The following SLC43A2 variants were observed in gnomAD, a reference collection of about 807,000 sequenced individuals.
SLC43A2 encodes the protein large neutral amino acids transporter small subunit 4.
In SLC43A2, 38 loss-of-function variants were observed where a neutral mutation model predicts 63.2. That is an observed-to-expected ratio of 0.60 (90% CI 0.46 to 0.79). The LOEUF (loss-of-function observed/expected upper bound fraction) is 0.79. Ranked by LOEUF, SLC43A2 falls within the 30% of genes least tolerant of loss-of-function variation. The pLI is 0.00. For synonymous variants in SLC43A2, 322 were observed against 331.0 expected, an observed-to-expected ratio of 0.97 and a Z score of 0.30; for missense variants, 644 against 756.2, an observed-to-expected ratio of 0.85 and a Z score of 1.74.
At position 1,593,354 on chromosome 17, in the gene SLC43A2, TAGGCCCCATG is replaced by T. The variant is rs1431607798; in HGVS notation, c.502-85_502-76del. On this transcript the variant is annotated intron_variant, in intron 5 of 13. Coordinates refer to ENST00000301335, the MANE Select transcript of SLC43A2 (RefSeq NM_152346.3). The surrounding 1 kb of genome is among the most constrained non-coding windows in gnomAD (Gnocchi z 5.3). ...AGGGGAGGAGGAGGGGACAGAGAAC[TAGGCCCCATG>T]AGGCCCCTTCTTCACCTGCGCCCCT... The T allele has an allele frequency of 3.7e-6, 5 of 1,368,390 alleles. No homozygotes were observed. Among genetic ancestry groups the T allele is most frequent in the Admixed American group, 1.9e-5 (1 of 53,110 alleles). 84.8% of individuals were successfully genotyped at this position (1,368,390 alleles called of 1,614,324 possible).
intron 12 of SLC43A2, 34 bp from the exon 13 acceptor site, chr17:1,576,754 C>T (rs763705577): frequency 1.2e-6 from 2 of 1,600,770 alleles, no homozygotes; most frequent in Non-Finnish European, 1.7e-6. Context: ...AGCCATCCTG[C>T]CTCCTGGGCT....
chr17:1,596,860 T>G (rs367611445), intron 5 of SLC43A2, among the ~76,000 whole-genome samples: 155 of 152,290 alleles, frequency 1.0e-3, no homozygotes, highest in African/African-American at 3.4e-3. Context: ...ACATCATTAA[T>G]CATAGTGAAA....
At position 1,627,917 on chromosome 17, in the gene SLC43A2, C is replaced by A; in HGVS notation, c.-43G>T. ...CTCCGGCTCCGGCTCCGGCTCTGCA[C>A]CACCTGCGCACAGAACTCGGCGTCA... On this transcript the variant is annotated 5_prime_UTR_variant, in exon 2 of 14. Coordinates refer to ENST00000301335, the MANE Select transcript of SLC43A2 (RefSeq NM_152346.3). The A allele has an allele frequency of 6.6e-7, 1 of 1,503,792 alleles. No individual in the cohort carries two copies. 93.2% of individuals were successfully genotyped at this position (1,503,792 alleles called of 1,614,324 possible).
At chr17:1,594,183 C>T (rs936631528) in intron 5 of SLC43A2, among the ~76,000 whole-genome samples, 7 of 152,168 alleles carry the variant, frequency 4.6e-5, no homozygotes, top group African/African-American at 1.7e-4. Flanking sequence ...GATGTTCGGC[C>T]CGAGCAGTTA....
rs896825818 is a variant in SLC43A2, at chr17:1,606,748, G to T, written c.501+6447C>A. On this transcript the variant is annotated intron_variant, in intron 5 of 13. Transcript: ENST00000301335. The surrounding 1 kb of genome is among the most constrained non-coding windows in gnomAD (Gnocchi z 4.7). ...CCGGGGGAGGCTGAGGATCCACACC[G>T]TGGGGAGTGCTCTGCCCCCATGGAG... Among the ~76,000 whole-genome samples the T allele has an allele frequency of 5.8e-4, 88 of 152,352 alleles. No homozygotes were observed. The highest frequency in any genetic ancestry group is 3.4e-3 in the Middle Eastern group (1 of 294).
At chr17:1,622,850 T>G (rs1232424244) in intron 2 of SLC43A2, among the ~76,000 whole-genome samples, 10 of 134,308 alleles carry the variant, frequency 7.4e-5, no homozygotes, top group African/African-American at 1.7e-4. Context: ...GGAGATGGAG[T>G]TTGCGGTGAG....
At chr17:1,613,294 T>C in intron 4 of SLC43A2, 23 bp from the exon 5 acceptor site, 1 of 1,612,850 alleles carries the variant, frequency 6.2e-7, no homozygotes, top group East Asian at 2.2e-5. Flanking sequence ...GGAAAGCTCG[T>C]GAGTGGAGAC....
intron 9 of SLC43A2, 53 bp from the exon 10 acceptor site, chr17:1,586,104 A>C: frequency 1.3e-6 from 2 of 1,523,524 alleles, no homozygotes; most frequent in South Asian, 2.5e-5. Flanking sequence ...GCCCTGGAGC[A>C]GGGACTGGGC....
chr17:1,584,338 C>A (rs1018409967), intron 10 of SLC43A2, among the ~76,000 whole-genome samples: 1 of 152,140 alleles, frequency 6.6e-6, no homozygotes, highest in African/African-American at 2.4e-5. Context: ...CCTAACTGTG[C>A]GGCCCTAGGC....
At chr17:1,619,621 T>G (rs9899989) in intron 2 of SLC43A2, among the ~76,000 whole-genome samples, 26,071 of 152,226 alleles carry the variant, frequency 0.17, 2,341 homozygotes, top group South Asian at 0.22. Context: ...CCTGGGCCAC[T>G]CGCCCATCCA....
At chr17:1,623,642 G>C (rs1908364832) in intron 2 of SLC43A2, among the ~76,000 whole-genome samples, 1 of 147,998 alleles carries the variant, frequency 6.8e-6, no homozygotes, top group South Asian at 2.2e-4. Flanking sequence ...CCTCCAGGCT[G>C]TACCCTCCTC....
At chr17:1,588,103 A>G (rs1219241957) in intron 9 of SLC43A2, among the ~76,000 whole-genome samples, 1 of 152,226 alleles carries the variant, frequency 6.6e-6, no homozygotes, top group Non-Finnish European at 1.5e-5. Flanking sequence ...TCCCCATCTC[A>G]AGACTGGCTT....
rs1328489662 is a variant in SLC43A2 at position 1,583,512 on chromosome 17, C to T, written c.1218-176G>A. ...ACCAGCACTACGGACACTCCCCGGC[C>T]CTTCTCAGTGGCAAGCTGAGTGTGA... On this transcript the variant is annotated intron_variant, in intron 10 of 13. Transcript: ENST00000301335. This position sits in a 1 kb window ranked among gnomAD's most constrained non-coding sequence, Gnocchi z 5.5. 9.0e-7 allele frequency: 1 copy of T among 1,113,210 alleles called. No individual in the cohort carries two copies. The highest frequency in any genetic ancestry group is 1.6e-5 in the African/African-American group (1 of 63,580). The allele number at this position is 1,113,210 out of a possible 1,614,324, so 69.0% of individuals were successfully genotyped here. A position where few individuals can be genotyped will look rare whatever the true frequency, so the allele number is the denominator to read the frequency against.
At chr17:1,590,713 C>G in intron 9 of SLC43A2, 89 bp downstream of exon 9, 1 of 1,499,602 alleles carries the variant, frequency 6.7e-7, no homozygotes. Flanking sequence ...CCGGCTGGCC[C>G]GGCTCAGCTT....
In SLC43A2 at chr17:1,575,620, T is replaced by C. The variant is rs1371110796; in HGVS notation, c.1694A>G (p.Gln565Arg). The stretch of plus-strand genomic sequence containing the variant: ...CGGCAGCCACTACACGAAGGCCTCC[T>C]GGTTGGACGAGCCGTTGATTTTGAG... ...LFLKINGSSN[Q>R]EAFV The change falls in exon 14 of 14, where the codon CAG becomes CGG. Residue 565 changes from glutamine to arginine, a missense_variant. Transcript: ENST00000301335. 2 of 1,613,902 alleles carry C rather than the reference T, an allele frequency of 1.2e-6. No homozygotes were observed. The highest frequency in any genetic ancestry group is 3.3e-5 in the Admixed American group (2 of 59,994).
intron 6 of SLC43A2, among the ~76,000 whole-genome samples, chr17:1,592,103 C>A (rs1353848418): frequency 6.6e-6 from 1 of 151,104 alleles, no homozygotes; most frequent in Non-Finnish European, 1.5e-5. Flanking sequence ...TTCCCCAGTG[C>A]CTCTGAGAGC....
chr17:1,582,982 G>T (rs1567612503), intron 11 of SLC43A2, among the ~76,000 whole-genome samples: 2 of 152,188 alleles, frequency 1.3e-5, no homozygotes, highest in African/African-American at 4.8e-5. Flanking sequence ...GGGAGGCTGA[G>T]GCAGGAGAAT....
rs1459745127 is a variant in SLC43A2, at chr17:1,628,776, C to CT, written c.-47+17dup. ...GCGCCCTCGCCCCGGCCGCGATCCC[C>CT]TCCCTGCTGCAGCTCACCCGGCTCC... On this transcript the variant is annotated intron_variant, in intron 1 of 13. Coordinates refer to ENST00000301335, the MANE Select transcript of SLC43A2 (RefSeq NM_152346.3). 6.5e-6 allele frequency: 1 copy of CT among 152,676 alleles called. No homozygotes were observed. The highest frequency in any genetic ancestry group is 1.5e-5 in the Non-Finnish European group (1 of 68,654). The allele number at this position is 152,676 out of a possible 1,614,324, so 9.5% of individuals were successfully genotyped here.
rs1491178977 is a variant in SLC43A2, at chr17:1,600,153, T to TATA, written c.502-6875_502-6874insTAT. On this transcript the variant is annotated intron_variant, in intron 5 of 13. Transcript: ENST00000301335. ...TTAATTGAATATATATATATATATA[T>TATA]TTTTTTTTTTTTTTTGAGACGGAGT... Among the ~76,000 whole-genome samples, 164 of 38,240 alleles carry TATA rather than the reference T, an allele frequency of 4.3e-3. 1 individual carries two copies. Among genetic ancestry groups the TATA allele is most frequent in the African/African-American group, 0.013 (155 of 11,566 alleles). The allele number at this position is 38,240 out of a possible 152,430, so 25.1% of individuals were successfully genotyped here.
Sources: gnomAD v4.1 joint callset for allele counts (sites outside exome capture counted in the v4.1 genomes callset) on GRCh38, gnomAD v4.1.1 for gene constraint, Gnocchi (gnomAD v3.1) non-coding constraint, MANE v1.5 for transcripts, NCBI Gene and HGNC (gene_info 2026-07-23, HGNC 2026-07-21) for gene names.